RSPH1: variants seen among roughly 807,000 people sequenced by gnomAD.
RSPH1 encodes the protein radial spoke head 1 homolog.
Under a neutral mutation model 44.2 loss-of-function variants are expected in RSPH1, and 32 were observed. The observed-to-expected ratio is 0.72, with a 90% CI of 0.55 to 0.97. RSPH1 has a LOEUF of 0.97. Ranked by LOEUF, RSPH1 falls within the 50% of genes least tolerant of loss-of-function variation. The probability of loss-of-function intolerance (pLI) is 0.00; values close to 1 mark genes in which losing one functional copy is unlikely to be tolerated. For missense variants in RSPH1, 391 were observed against 398.7 expected (o/e 0.98, Z 0.16); for synonymous variants, 134 against 147.3 (o/e 0.91, Z 0.65).
At chr21:42,478,783 G>A (rs1199557274) in intron 6 of RSPH1, among the ~76,000 whole-genome samples, 2 of 152,224 alleles carry the variant, frequency 1.3e-5, no homozygotes, top group African/African-American at 4.8e-5. Context: ...TAGCTAAAAT[G>A]TGGAAGCAAC....
chr21:42,487,952 C>T lies in RSPH1; in HGVS notation c.275-1491G>A, dbSNP rs148513961. Among the ~76,000 whole-genome samples the T allele has an allele frequency of 5.3e-5, 8 of 152,324 alleles. No individual in the cohort carries two copies. The East Asian group carries it at 7.7e-4, about 15-fold the overall frequency. On this transcript the variant is annotated intron_variant, in intron 3 of 8. Coordinates refer to ENST00000291536, the MANE Select transcript of RSPH1 (RefSeq NM_080860.4). ...CAAAGGACAGTGCATGTCCCCAGGGCGCGAGCACCAGCCTGAGGATGGAAG... is the reference window on the plus strand; with the variant it reads ...CAAAGGACAGTGCATGTCCCCAGGGTGCGAGCACCAGCCTGAGGATGGAAG...
chr21:42,480,955 G>T (rs541129606), intron 6 of RSPH1, among the ~76,000 whole-genome samples: 2 of 152,302 alleles, frequency 1.3e-5, no homozygotes, highest in East Asian at 3.9e-4. Context: ...TCTGGGTGAT[G>T]CCAAGGGCTT....
At chr21:42,473,551 T>C (rs1256417732) in intron 8 of RSPH1, among the ~76,000 whole-genome samples, 1 of 152,016 alleles carries the variant, frequency 6.6e-6, no homozygotes, top group Non-Finnish European at 1.5e-5. Context: ...TATTTAAATG[T>C]TTTGTGAAAG....
intron 3 of RSPH1, among the ~76,000 whole-genome samples, chr21:42,491,457 G>A (rs1026097965): frequency 6.6e-6 from 1 of 152,014 alleles, no homozygotes; most frequent in Non-Finnish European, 1.5e-5. Context: ...ATATCTTCGT[G>A]TGTGTGTGTG....
chr21:42,476,983 C>T (rs894601893), intron 7 of RSPH1, among the ~76,000 whole-genome samples: 1 of 69,256 alleles, frequency 1.4e-5, no homozygotes, highest in Non-Finnish European at 3.1e-5. Flanking sequence ...TGGGGATGCC[C>T]CACACCCTCT....
intron 6 of RSPH1, among the ~76,000 whole-genome samples, chr21:42,478,698 T>C (rs376327543): frequency 5.9e-5 from 9 of 152,230 alleles, no homozygotes; most frequent in African/African-American, 2.2e-4. Flanking sequence ...CTCCTCGGTA[T>C]ATAACCAAAG....
chr21:42,489,919 T>C (rs1274080683), intron 3 of RSPH1, among the ~76,000 whole-genome samples: 2 of 152,238 alleles, frequency 1.3e-5, no homozygotes, highest in Non-Finnish European at 2.9e-5. Context: ...GTTCAAGTTA[T>C]CATGTCATTC....
Position 42,482,245 on chromosome 21 carries a change from A to G in RSPH1, c.573+392T>C, listed in dbSNP as rs113385676. Reference sequence around the variant, plus strand: ...ATTACAGGCATGCGCCACCATGCCCAGCTAATTTTTGTATTTTTAGCGGAG... The same window carrying G: ...ATTACAGGCATGCGCCACCATGCCCGGCTAATTTTTGTATTTTTAGCGGAG... On this transcript the variant is annotated intron_variant, in intron 6 of 8. Transcript: ENST00000291536. Among the ~76,000 whole-genome samples the G allele has an allele frequency of 2.6e-5, 4 of 152,232 alleles. 1 individual carries two copies. Among genetic ancestry groups the G allele is most frequent in the African/African-American group, 9.6e-5 (4 of 41,548 alleles).
intron 1 of RSPH1, among the ~76,000 whole-genome samples, chr21:42,495,527 T>G (rs1217108028): frequency 2.0e-5 from 3 of 152,312 alleles, no homozygotes; most frequent in East Asian, 3.9e-4. Flanking sequence ...ACAGGCTGGA[T>G]GTGCCCTCTT....
intron 6 of RSPH1, among the ~76,000 whole-genome samples, chr21:42,481,724 A>C (rs2146650479): frequency 6.6e-6 from 1 of 152,350 alleles, no homozygotes; most frequent in Non-Finnish European, 1.5e-5. Context: ...AATGTTGCTG[A>C]ATTGCTAATT....
chr21:42,486,403 G>C lies in RSPH1; in HGVS notation c.333C>G (p.Asp111Glu), dbSNP rs1196902058. ...GAGCAAACCACTCTCCAGTGTAGGT[G>C]TCATTATTGATGTAGTAGTATACGC... ...GHGVYYYINN[D>E]TYTGEWFAHQ... Residue 111 changes from aspartate to glutamate, a missense_variant, in exon 4 of 9, where the codon GAC (aspartate) becomes GAG (glutamate). Transcript: ENST00000291536. The C allele has an allele frequency of 6.2e-7, 1 of 1,613,960 alleles. No homozygotes were observed. Among genetic ancestry groups the C allele is most frequent in the Non-Finnish European group, 8.5e-7 (1 of 1,179,834 alleles).
At chr21:42,487,157 C>T (rs2054188591) in intron 3 of RSPH1, among the ~76,000 whole-genome samples, 1 of 152,164 alleles carries the variant, frequency 6.6e-6, no homozygotes, top group South Asian at 2.1e-4. Context: ...GTAGGCAGTA[C>T]TGAAATTGGC....
chr21:42,483,529 G>A (rs1032187350), intron 5 of RSPH1, among the ~76,000 whole-genome samples: 6 of 151,858 alleles, frequency 4.0e-5, no homozygotes, highest in African/African-American at 1.5e-4. Context: ...TAGTAAGCCT[G>A]CATTTTTTTC....
intron 3 of RSPH1, among the ~76,000 whole-genome samples, chr21:42,487,604 T>A (rs1392750539): frequency 6.6e-6 from 1 of 152,252 alleles, no homozygotes; most frequent in African/African-American, 2.4e-5. Context: ...GTGGTATTTT[T>A]AAATTTTTAA....
chr21:42,486,351 A>C lies in RSPH1; in HGVS notation c.365+20T>G. 6.5e-7 allele frequency: 1 copy of C among 1,548,414 alleles called. No homozygotes were observed. The highest frequency in any genetic ancestry group is 1.1e-5 in the South Asian group (1 of 89,724). ...CATTACATAAGCAAATCCCGTTAAG[A>C]CCCAAGATAGAAACCGAACCTTTGA... On this transcript the variant is annotated intron_variant, in intron 4 of 8. Coordinates refer to ENST00000291536, the MANE Select transcript of RSPH1 (RefSeq NM_080860.4).
intron 8 of RSPH1, 144 bp downstream of exon 8, chr21:42,475,754 G>T: frequency 1.5e-6 from 1 of 671,148 alleles, no homozygotes; most frequent in Non-Finnish European, 2.3e-6. Context: ...TGGCTCCAGT[G>T]AGCGCTCACA....
chr21:42,480,267 G>A (rs938166117), intron 6 of RSPH1, among the ~76,000 whole-genome samples: 3 of 152,156 alleles, frequency 2.0e-5, no homozygotes, highest in African/African-American at 7.2e-5. Flanking sequence ...GATCATGGGA[G>A]GTTAAGGGAT....
chr21:42,477,466 A>G, intron 6 of RSPH1, 22 bp from the exon 7 acceptor site: 1 of 1,609,650 alleles, frequency 6.2e-7, no homozygotes, highest in Non-Finnish European at 8.5e-7. Context: ...GCAAAAATGT[A>G]CATTTACCAA....
At position 42,493,074 on chromosome 21, in the gene RSPH1, A is replaced by G. The variant is rs762144549; in HGVS notation, c.60T>C (p.Tyr20=). Residue 20 remains tyrosine, a synonymous_variant, in exon 2 of 9, where the codon TAT becomes TAC. Coordinates refer to ENST00000291536, the MANE Select transcript of RSPH1 (RefSeq NM_080860.4). ...CGCCTGCCTCATTCCGACCCCCCTC[A>G]TATTCCTGGGTAATGAAAATTGACA... The part of the protein sequence containing the change: ...EEEGENDIGE[Y]EGGRNEAGER... The G allele has an allele frequency of 3.1e-6, 5 of 1,613,398 alleles. No homozygotes were observed. Among genetic ancestry groups the G allele is most frequent in the Non-Finnish European group, 3.4e-6 (4 of 1,179,592 alleles).
Sources: gnomAD v4.1 joint callset for allele counts (sites outside exome capture counted in the v4.1 genomes callset) on GRCh38, gnomAD v4.1.1 for gene constraint, MANE v1.5 for transcripts, NCBI Gene and HGNC (gene_info 2026-07-23, HGNC 2026-07-21) for gene names.